KMT2A: variants seen among roughly 807,000 people sequenced by gnomAD.
KMT2A encodes the protein histone-lysine N-methyltransferase 2A.
KMT2A carries 16 observed loss-of-function variants against 345.3 expected under a neutral mutation model. The ratio of observed to expected loss-of-function variants is 0.05; its 90% CI spans 0.03 to 0.07. KMT2A has a LOEUF of 0.07. KMT2A is among the 10% of genes least tolerant of loss of function. The probability of loss-of-function intolerance (pLI) is 1.00; values close to 1 mark genes in which losing one functional copy is unlikely to be tolerated. For missense variants in KMT2A, 3,272 were observed against 4,841.6 expected, an observed-to-expected ratio of 0.68 and a Z score of 9.62; for synonymous variants, 1,599 against 1,778.6, an observed-to-expected ratio of 0.90 and a Z score of 2.54.
At chr11:118,450,089 T>C (rs533411416) in intron 1 of KMT2A, 1 of 152,256 alleles carries the variant, frequency 6.6e-6, no homozygotes, top group Non-Finnish European at 1.5e-5. Context: ...GTGATTGTGA[T>C]GCTTAACTTA....
intron 1 of KMT2A, among the ~76,000 whole-genome samples, chr11:118,440,962 C>T (rs77535829): frequency 0.026 from 3,880 of 151,876 alleles, 78 homozygotes; most frequent in Non-Finnish European, 0.037. Context: ...CTCTCATCTC[C>T]GTTACTGAAC....
chr11:118,485,011 C>T (rs782686359), intron 10 of KMT2A, 36 bp downstream of exon 10: 14 of 1,256,200 alleles, frequency 1.1e-5, no homozygotes, highest in Non-Finnish European at 1.5e-5. Flanking sequence ...CCAGGAAGTA[C>T]ATAAATTATT....
chr11:118,480,320 C>T, intron 6 of KMT2A, 82 bp downstream of exon 6: 1 of 966,802 alleles, frequency 1.0e-6, no homozygotes, highest in Admixed American at 2.2e-5. Flanking sequence ...GAAGAGAATA[C>T]TTTTTTTTTT....
chr11:118,501,527 T>A, intron 25 of KMT2A, 145 bp from the exon 26 acceptor site: 1 of 667,262 alleles, frequency 1.5e-6, no homozygotes, highest in East Asian at 2.8e-5. Flanking sequence ...GTACTATGAT[T>A]GAAAGCTGGG....
In KMT2A at chr11:118,509,124, GT is replaced by G; in HGVS notation, c.10836-7del. The G allele has an allele frequency of 6.2e-7, 1 of 1,612,262 alleles. No homozygotes were observed. The highest frequency in any genetic ancestry group is 8.5e-7 in the Non-Finnish European group (1 of 1,178,662). The stretch of plus-strand genomic sequence containing the variant: ...TAGCTGATATTATATCTTACATTTG[GT>G]TTTTATTTAGGCAAGTCGCTGTTCT... On this transcript the variant is annotated splice_polypyrimidine_tract_variant and intron_variant, in intron 28 of 35. Transcript: ENST00000534358.
In KMT2A at chr11:118,502,644, G is replaced by C. The variant is rs1555046142; in HGVS notation, c.6752G>C (p.Gly2251Ala). The change falls in exon 27 of 36, where the codon GGG becomes GCG. Residue 2251 changes from glycine to alanine, a missense_variant. By Grantham distance (60) the Gly-to-Ala change is moderately conservative. Around this residue, in one of 27 missense-constraint regions of KMT2A, gnomAD observed 445 missense variants for 500.9 expected, o/e 0.89. Coordinates refer to ENST00000534358, the MANE Select transcript of KMT2A (RefSeq NM_001197104.2). The surrounding 1 kb of genome is among the most constrained non-coding windows in gnomAD (Gnocchi z 4.9). ...GCCAAAGTAGTTGATCATGTCTTAG[G>C]GCCACTGAATTCAAGTACTAGTTTA... ...SSAKVVDHVL[G>A]PLNSSTSLGQ... is the part of the protein sequence containing the mutation. 1 of 1,613,988 alleles carries C rather than the reference G, an allele frequency of 6.2e-7. No individual in the cohort carries two copies. The highest frequency in any genetic ancestry group is 1.1e-5 in the South Asian group (1 of 91,072).
Position 118,442,685 on chromosome 11 carries a change from T to C in KMT2A, c.432+5741T>C, listed in dbSNP as rs116075212. ...GAAAGACTTTAGGAGGTTCTGGAAA[T>C]TGTTGAGTTAATTAAGAATACCCTT... On this transcript the variant is annotated intron_variant, in intron 1 of 35. Coordinates refer to ENST00000534358, the MANE Select transcript of KMT2A (RefSeq NM_001197104.2). 1.5e-3 allele frequency among the ~76,000 whole-genome samples: 234 copies of C among 152,294 alleles called. 1 individual carries two copies. Among genetic ancestry groups the C allele is most frequent in the African/African-American group, 5.3e-3 (220 of 41,552 alleles).
rs1950358536 is a variant in KMT2A at position 118,493,610 on chromosome 11, G to T, written c.5178+380G>T. Among the ~76,000 whole-genome samples, 1 of 152,152 alleles carries T rather than the reference G, an allele frequency of 6.6e-6. No individual in the cohort carries two copies. The highest frequency in any genetic ancestry group is 1.9e-4 in the East Asian group (1 of 5,208). The stretch of plus-strand genomic sequence containing the variant: ...GCCTTTCTTTATAAGGTCTTCATTT[G>T]TAGATAGATGCCTGTTAATTTTATG... On this transcript the variant is annotated intron_variant, in intron 16 of 35. Coordinates refer to ENST00000534358, the MANE Select transcript of KMT2A (RefSeq NM_001197104.2). The surrounding 1 kb of genome is among the most constrained non-coding windows in gnomAD (Gnocchi z 5.8).
rs2134270517 is a variant in KMT2A at position 118,473,744 on chromosome 11, G to A, written c.2585G>A (p.Arg862Gln). 6.2e-7 allele frequency: 1 copy of A among 1,613,992 alleles called. No individual in the cohort carries two copies. The highest frequency in any genetic ancestry group is 8.5e-7 in the Non-Finnish European group (1 of 1,179,954). The change falls in exon 3 of 36, where the codon CGA becomes CAA. Residue 862 changes from arginine (R) to glutamine (Q), a missense_variant. By Grantham distance (43) the Arg-to-Gln change is conservative. Transcript: ENST00000534358. This position sits in a 1 kb window ranked among gnomAD's most constrained non-coding sequence, Gnocchi z 5.2. ...GCCCCCGAGGAGCTGTCCAAAGATC[G>A]AGATGCTGACAAGAGCGTGGAGAAG... ...DKAPEELSKD[R>Q]DADKSVEKDK...
chr11:118,478,866 C>T (rs1555038413), intron 5 of KMT2A, among the ~76,000 whole-genome samples: 1 of 152,098 alleles, frequency 6.6e-6, no homozygotes, highest in African/African-American at 2.4e-5. Flanking sequence ...CAGTGATCCT[C>T]CTGCCTTGGC....
intron 1 of KMT2A, among the ~76,000 whole-genome samples, chr11:118,451,855 T>C (rs537226064): frequency 9.9e-5 from 15 of 152,150 alleles, no homozygotes; most frequent in Non-Finnish European, 2.2e-4. Context: ...ACATTTTTAA[T>C]ACTTTGCAAG....
At position 118,520,112 on chromosome 11, in the gene KMT2A, T is replaced by C; in HGVS notation, c.11429+48T>C. 8.0e-7 allele frequency: 1 copy of C among 1,251,442 alleles called. No homozygotes were observed. The highest frequency in any genetic ancestry group is 1.2e-6 in the Non-Finnish European group (1 of 857,110). 77.5% of individuals were successfully genotyped at this position (1,251,442 alleles called of 1,614,324 possible). A position where few individuals can be genotyped will look rare whatever the true frequency, so the allele number is the denominator to read the frequency against. Reference sequence around the variant, plus strand: ...TCATTAGAAACTGCTTTCCCTCTCCTCCAGCTGGTCAGGGCACTACGTAGG... The same window carrying C: ...TCATTAGAAACTGCTTTCCCTCTCCCCCAGCTGGTCAGGGCACTACGTAGG... On this transcript the variant is annotated intron_variant, in intron 33 of 35. Coordinates refer to ENST00000534358, the MANE Select transcript of KMT2A (RefSeq NM_001197104.2). The surrounding 1 kb of genome is among the most constrained non-coding windows in gnomAD (Gnocchi z 4.3).
chr11:118,442,001 A>G (rs1300862763), intron 1 of KMT2A, among the ~76,000 whole-genome samples: 6 of 152,202 alleles, frequency 3.9e-5, no homozygotes, highest in African/African-American at 1.4e-4. Context: ...TTGCTTGCTC[A>G]GAGGCATAAC....
Position 118,522,858 on chromosome 11 carries a change from A to G in KMT2A, c.*686A>G, listed in dbSNP as rs1243938041. 4.5e-6 allele frequency: 1 copy of G among 222,564 alleles called. No homozygotes were observed. Among genetic ancestry groups the G allele is most frequent in the Non-Finnish European group, 9.0e-6 (1 of 111,070 alleles). 13.8% of individuals were successfully genotyped at this position (222,564 alleles called of 1,614,324 possible). A position where few individuals can be genotyped will look rare whatever the true frequency, so the allele number is the denominator to read the frequency against. On this transcript the variant is annotated 3_prime_UTR_variant, in exon 36 of 36. Transcript: ENST00000534358. This position sits in a 1 kb window ranked among gnomAD's most constrained non-coding sequence, Gnocchi z 5.4. Reference sequence around the variant, plus strand: ...GCCAATTACCTTTCTTGACAGTAGGAGCGGCTTCCCTCTCCCATTCCCTCT... The same window carrying G: ...GCCAATTACCTTTCTTGACAGTAGGGGCGGCTTCCCTCTCCCATTCCCTCT...
At chr11:118,450,153 G>A (rs1949505138) in intron 1 of KMT2A, 1 of 151,748 alleles carries the variant, frequency 6.6e-6, no homozygotes, top group Non-Finnish European at 1.5e-5. Context: ...TTAGCAAGTA[G>A]ATAAACCAGT....
Position 118,506,657 on chromosome 11 carries a change from C to A in KMT2A, c.10754+11C>A, listed in dbSNP as rs1555048604. 2 of 1,573,554 alleles carry A rather than the reference C, an allele frequency of 1.3e-6. No homozygotes were observed. Among genetic ancestry groups the A allele is most frequent in the Non-Finnish European group, 1.7e-6 (2 of 1,158,824 alleles). On this transcript the variant is annotated intron_variant, in intron 27 of 35. Transcript: ENST00000534358. Reference sequence around the variant, plus strand: ...GACCTCAGGCACAGGGTGAGAGATCCAAATACTAGCTAGGCTGGGTCTGTG... The same window carrying A: ...GACCTCAGGCACAGGGTGAGAGATCAAAATACTAGCTAGGCTGGGTCTGTG...
chr11:118,482,278 G>T, intron 7 of KMT2A, 144 bp from the exon 8 acceptor site: 1 of 898,332 alleles, frequency 1.1e-6, no homozygotes, highest in Non-Finnish European at 1.6e-6. Flanking sequence ...AGTTAAATTG[G>T]AGGTATTGTT....
In KMT2A at chr11:118,472,354, G is replaced by C; in HGVS notation, c.1195G>C (p.Val399Leu). 6.2e-7 allele frequency: 1 copy of C among 1,614,058 alleles called. No homozygotes were observed. The change falls in exon 3 of 36, where the codon GTG becomes CTG. Residue 399 changes from valine to leucine, a missense_variant. Physicochemically the swap from Val to Leu is conservative, Grantham distance 32. Around this residue, in one of 27 missense-constraint regions of KMT2A, gnomAD observed 412 missense variants for 511.0 expected, o/e 0.81. Transcript: ENST00000534358. Reference sequence around the variant, plus strand: ...AGCAGCTCAGCTGCAGGGAAGAAAGGTGAAGACACAGGTCAAAAATATTCG... The same window carrying C: ...AGCAGCTCAGCTGCAGGGAAGAAAGCTGAAGACACAGGTCAAAAATATTCG... ...KEAAQLQGRK[V>L]KTQVKNIRQF...
rs782690725 is a variant in KMT2A at position 118,505,586 on chromosome 11, C to G, written c.9694C>G (p.Arg3232Gly). 1 of 1,613,974 alleles carries G rather than the reference C, an allele frequency of 6.2e-7. No individual in the cohort carries two copies. Among genetic ancestry groups the G allele is most frequent in the South Asian group, 1.1e-5 (1 of 91,076 alleles). Reference sequence around the variant, plus strand: ...AAGACCCATATCTCGTCTACAGACCCGAAAGAATAAAAAACTTGCTCCCTC... The same window carrying G: ...AAGACCCATATCTCGTCTACAGACCGGAAAGAATAAAAAACTTGCTCCCTC... ...KKRPISRLQTRKNKKLAPSST... is the reference protein window; with the variant it reads ...KKRPISRLQTGKNKKLAPSST... Residue 3232 changes from arginine (R) to glycine (G), a missense_variant, in exon 27 of 36, where the codon CGA (arginine) becomes GGA (glycine). Physicochemically the swap from Arg to Gly is moderately radical, Grantham distance 125. This residue lies in a region of KMT2A where 748 missense variants were observed against 922.2 expected (regional missense o/e 0.81). Transcript: ENST00000534358. This position sits in a 1 kb window ranked among gnomAD's most constrained non-coding sequence, Gnocchi z 4.6.
Sources: allele counts gnomAD v4.1 joint callset (sites outside exome capture counted in the v4.1 genomes callset), GRCh38; gene constraint gnomAD v4.1.1; regional missense constraint gnomAD v4.1.1; non-coding constraint Gnocchi (gnomAD v3.1); transcripts MANE v1.5; gene names NCBI Gene and HGNC (gene_info 2026-07-23, HGNC 2026-07-21).